Variants in ABCC1 observed in about 807,000 individuals in gnomAD.
The protein encoded by ABCC1 is multidrug resistance-associated protein 1.
Under a neutral mutation model 172.9 loss-of-function variants are expected in ABCC1, and 83 were observed. That is an observed-to-expected ratio of 0.48 (90% CI 0.40 to 0.58). ABCC1 has a LOEUF of 0.58. Among genes scored for constraint, ABCC1 ranks in the 20% least tolerant of loss-of-function variants. ABCC1 has a pLI of 0.00. For missense variants in ABCC1, 1,817 were observed against 2,002.7 expected, an observed-to-expected ratio of 0.91 and a Z score of 1.77; for synonymous variants, 937 against 825.2, an observed-to-expected ratio of 1.14 and a Z score of -2.32.
chr16:16,092,502 C>A (rs1441879743), intron 19 of ABCC1, among the ~76,000 whole-genome samples: 5 of 152,176 alleles, frequency 3.3e-5, no homozygotes, highest in South Asian at 2.1e-4. Flanking sequence ...TTGTGACTGG[C>A]GGCTTTTACA....
chr16:16,087,043 AAG>A (rs2051037366), intron 18 of ABCC1, 52 bp downstream of exon 18: 1 of 1,602,794 alleles, frequency 6.2e-7, no homozygotes, highest in Non-Finnish European at 8.5e-7. Context: ...CCCTTTGGTT[AAG>A]TCAGAACGTG....
intron 6 of ABCC1, among the ~76,000 whole-genome samples, chr16:16,035,212 G>A (rs2048710086): frequency 6.6e-6 from 1 of 152,046 alleles, no homozygotes; most frequent in African/African-American, 2.4e-5. Context: ...GACCAGCCTG[G>A]CCTACATGGT....
At chr16:16,131,505 G>A (rs1424761555) in intron 26 of ABCC1, among the ~76,000 whole-genome samples, 1 of 152,198 alleles carries the variant, frequency 6.6e-6, no homozygotes, top group Non-Finnish European at 1.5e-5. Flanking sequence ...ACTCAAGCAT[G>A]CGAGCCCCAA....
At chr16:16,065,164 A>C (rs1405548057) in intron 12 of ABCC1, among the ~76,000 whole-genome samples, 1 of 152,216 alleles carries the variant, frequency 6.6e-6, no homozygotes, top group East Asian at 1.9e-4. Context: ...CAAATGAGGT[A>C]CAGGGAAGGG....
chr16:16,050,600 A>T (rs1396518295), intron 10 of ABCC1, among the ~76,000 whole-genome samples: 2 of 151,916 alleles, frequency 1.3e-5, no homozygotes, highest in African/African-American at 4.8e-5. Flanking sequence ...TTAATTGTCT[A>T]ATAGGCTGGG....
At chr16:16,014,658 T>G in intron 4 of ABCC1, 30 bp downstream of exon 4, 1 of 1,611,314 alleles carries the variant, frequency 6.2e-7, no homozygotes, top group Non-Finnish European at 8.5e-7. Context: ...CTCATCTTCC[T>G]TCAGTGGACC....
At chr16:15,993,985 C>A (rs2046964866) in intron 1 of ABCC1, among the ~76,000 whole-genome samples, 1 of 152,104 alleles carries the variant, frequency 6.6e-6, no homozygotes, top group African/African-American at 2.4e-5. Flanking sequence ...AATCCCGGCA[C>A]TCTGGGAGGC....
chr16:16,139,242 G>A (rs1358949141), intron 30 of ABCC1, among the ~76,000 whole-genome samples: 4 of 152,188 alleles, frequency 2.6e-5, no homozygotes, highest in Non-Finnish European at 1.5e-5. Flanking sequence ...AGCGAGTGCT[G>A]GGCAGGGCCA....
intron 7 of ABCC1, among the ~76,000 whole-genome samples, chr16:16,037,536 C>T (rs1462453603): frequency 6.6e-6 from 1 of 152,138 alleles, no homozygotes; most frequent in East Asian, 1.9e-4. Context: ...GTCTCGAGCC[C>T]GGACGAACTG....
At chr16:16,084,917 G>A (rs1232202571) in intron 17 of ABCC1, among the ~76,000 whole-genome samples, 4 of 152,096 alleles carry the variant, frequency 2.6e-5, no homozygotes, top group African/African-American at 9.7e-5. Flanking sequence ...CACCTCGCCC[G>A]GCCTATAACT....
intron 1 of ABCC1, among the ~76,000 whole-genome samples, chr16:15,998,123 C>T (rs1001744553): frequency 2.7e-5 from 4 of 149,438 alleles, no homozygotes; most frequent in South Asian, 2.1e-4. Flanking sequence ...CGCCCAGTCC[C>T]GATACTTTGT....
Position 16,012,287 on chromosome 16 carries a change from C to T in ABCC1, c.352-2204C>T, listed in dbSNP as rs549987165. On this transcript the variant is annotated intron_variant, in intron 3 of 30. Coordinates refer to ENST00000399410, the MANE Select transcript of ABCC1 (RefSeq NM_004996.4). ...AGCCAGCTTCCAGTCTAGGCCCCAG[C>T]GTGTAGCCTGGCACCTGCTTTACGC... Among the ~76,000 whole-genome samples the T allele has an allele frequency of 3.3e-5, 5 of 152,272 alleles. No homozygotes were observed. In the South Asian group the frequency reaches 1.0e-3, roughly 32 times the overall value.
chr16:16,012,185 G>T (rs192234355), intron 3 of ABCC1, among the ~76,000 whole-genome samples: 56 of 152,274 alleles, frequency 3.7e-4, no homozygotes, highest in African/African-American at 1.3e-3. Context: ...ACCCTTTTAC[G>T]TTGTAAATAA....
Position 16,138,448 on chromosome 16 carries a change from C to T in ABCC1, c.4377C>T (p.Ala1459=), listed in dbSNP as rs201385399. 1.4e-4 allele frequency: 232 copies of T among 1,612,970 alleles called. No homozygotes were observed. Among genetic ancestry groups the T allele is most frequent in the Non-Finnish European group, 1.8e-4 (217 of 1,179,248 alleles). ...TTGTGTTGGATGAGGCCACGGCAGC[C>T]GTGGACCTGGAAACGGACGACCTCA... ...KILVLDEATA[A]VDLETDDLIQ... Residue 1459 remains alanine (A), a synonymous_variant, in exon 30 of 31, where the codon GCC becomes GCT. Coordinates refer to ENST00000399410, the MANE Select transcript of ABCC1 (RefSeq NM_004996.4).
At chr16:16,075,661 C>T (rs1567376141) in intron 14 of ABCC1, among the ~76,000 whole-genome samples, 2 of 152,138 alleles carry the variant, frequency 1.3e-5, no homozygotes, top group Admixed American at 6.6e-5. Flanking sequence ...AACCAGTTAA[C>T]GTGGGCTTTG....
At chr16:15,957,843 C>T (rs944049450) in intron 1 of ABCC1, among the ~76,000 whole-genome samples, 9 of 152,160 alleles carry the variant, frequency 5.9e-5, no homozygotes, top group Non-Finnish European at 4.4e-5. Context: ...CCGCCCGCCT[C>T]GGCCTCCTAA....
intron 1 of ABCC1, among the ~76,000 whole-genome samples, chr16:15,969,261 C>G (rs1315508422): frequency 1.3e-5 from 2 of 151,286 alleles, no homozygotes; most frequent in Non-Finnish European, 2.9e-5. Context: ...GCTGGTGCAT[C>G]TTGATTATGA....
intron 15 of ABCC1, among the ~76,000 whole-genome samples, chr16:16,078,912 C>G (rs528516197): frequency 6.6e-6 from 1 of 152,146 alleles, no homozygotes; most frequent in South Asian, 2.1e-4. Context: ...CTCCTGACCT[C>G]GTGATCCGCC....
At chr16:15,995,746 C>A (rs1294852821) in intron 1 of ABCC1, among the ~76,000 whole-genome samples, 1 of 152,158 alleles carries the variant, frequency 6.6e-6, no homozygotes, top group African/African-American at 2.4e-5. Flanking sequence ...TAGCTCACTG[C>A]AGCCTCGAAC....
Sources: allele counts gnomAD v4.1 joint callset (sites outside exome capture counted in the v4.1 genomes callset), GRCh38; gene constraint gnomAD v4.1.1; transcripts MANE v1.5; gene names NCBI Gene and HGNC (gene_info 2026-07-23, HGNC 2026-07-21).